The following RAD54L2 variants were observed in gnomAD, a reference collection of about 807,000 sequenced individuals.
The protein encoded by RAD54L2 is RAD54 like 2, also known as helicase ARIP4.
RAD54L2 carries 27 observed loss-of-function variants against 138.4 expected under a neutral mutation model. That is an observed-to-expected ratio of 0.20 (90% confidence interval 0.14 to 0.27). The LOEUF is 0.27. Among genes scored for constraint, RAD54L2 ranks in the 10% least tolerant of loss-of-function variants. The pLI, the probability that RAD54L2 is intolerant of heterozygous loss-of-function variation, is 1.00. For missense variants in RAD54L2, 1,396 were observed against 1,890.2 expected (o/e 0.74, Z 4.85); for synonymous variants, 644 against 723.2 (o/e 0.89, Z 1.76).
intron 3 of RAD54L2, among the ~76,000 whole-genome samples, chr3:51,603,202 A>G (rs986126885): frequency 1.3e-5 from 2 of 150,288 alleles, no homozygotes; most frequent in Non-Finnish European, 3.0e-5. Context: ...CCAGTTGCTT[A>G]GGAGGCTGAG....
intron 3 of RAD54L2, among the ~76,000 whole-genome samples, chr3:51,592,293 C>T (rs1035964512): frequency 6.6e-6 from 1 of 151,882 alleles, no homozygotes; most frequent in East Asian, 1.9e-4. Flanking sequence ...GAACTCCTAA[C>T]CTCAGGTGAT....
intron 2 of RAD54L2, among the ~76,000 whole-genome samples, chr3:51,572,470 AG>A (rs1310078798): frequency 1.6e-3 from 235 of 149,028 alleles, no homozygotes; most frequent in Non-Finnish European, 3.0e-3. Flanking sequence ...AAAAAAAAAA[AG>A]GCTGGACATG....
At chr3:51,621,135 A>G (rs550812889) in intron 3 of RAD54L2, among the ~76,000 whole-genome samples, 2 of 152,372 alleles carry the variant, frequency 1.3e-5, no homozygotes, top group African/African-American at 4.8e-5. Context: ...ATCTATTATA[A>G]TGTTATGTAA....
At chr3:51,598,133 A>ATGTG (rs1553682152) in intron 3 of RAD54L2, among the ~76,000 whole-genome samples, 1 of 144,994 alleles carries the variant, frequency 6.9e-6, no homozygotes, top group Non-Finnish European at 1.5e-5. Flanking sequence ...ATATATATAT[A>ATGTG]TGTGTGTATA....
chr3:51,592,443 A>G (rs1194456913), intron 3 of RAD54L2, among the ~76,000 whole-genome samples: 2 of 151,962 alleles, frequency 1.3e-5, no homozygotes, highest in Non-Finnish European at 2.9e-5. Context: ...ATTAGGCCCT[A>G]TGTCCTGCTG....
At chr3:51,658,014 T>A (rs1701652997) in intron 21 of RAD54L2, among the ~76,000 whole-genome samples, 1 of 131,014 alleles carries the variant, frequency 7.6e-6, no homozygotes. Flanking sequence ...AACCTCCACC[T>A]CCCAGGTTCA....
intron 2 of RAD54L2, among the ~76,000 whole-genome samples, chr3:51,578,549 A>G (rs1030290338): frequency 1.3e-5 from 2 of 152,200 alleles, no homozygotes; most frequent in African/African-American, 2.4e-5. Context: ...TTGAAGCAGG[A>G]TATTTCCTTG....
At chr3:51,540,621 T>A (rs1381259761) in intron 1 of RAD54L2, among the ~76,000 whole-genome samples, 2 of 152,210 alleles carry the variant, frequency 1.3e-5, no homozygotes, top group African/African-American at 4.8e-5. Context: ...GTAGGAAATA[T>A]AGCCTAACTG....
At chr3:51,639,763 G>T in intron 13 of RAD54L2, 93 bp downstream of exon 13, 1 of 1,540,360 alleles carries the variant, frequency 6.5e-7, no homozygotes, top group East Asian at 2.3e-5. Context: ...TGCATGGCTA[G>T]GGTCTCTGTA....
chr3:51,588,534 CAAAA>C (rs71633079), intron 2 of RAD54L2, among the ~76,000 whole-genome samples: 1 of 49,438 alleles, frequency 2.0e-5, no homozygotes, highest in Non-Finnish European at 4.3e-5. Flanking sequence ...AACTGCATCT[CAAAA>C]AAAAAAAAAA....
intron 3 of RAD54L2, among the ~76,000 whole-genome samples, chr3:51,597,165 CAAA>C (rs145812228): frequency 1.2e-4 from 6 of 49,268 alleles, no homozygotes; most frequent in African/African-American, 3.8e-4. Flanking sequence ...GACTTCATTT[CAAA>C]AAAAAAAAAA....
chr3:51,566,908 C>T (rs1699231502), intron 2 of RAD54L2, among the ~76,000 whole-genome samples: 1 of 152,160 alleles, frequency 6.6e-6, no homozygotes, highest in African/African-American at 2.4e-5. Context: ...CTGATGATTA[C>T]AGGCTCCCAT....
At chr3:51,601,696 G>T (rs1161846899) in intron 3 of RAD54L2, among the ~76,000 whole-genome samples, 1 of 149,148 alleles carries the variant, frequency 6.7e-6, no homozygotes, top group African/African-American at 2.5e-5. Flanking sequence ...TGCCCTCCTC[G>T]GCCTCCCAAA....
Position 51,630,401 on chromosome 3 carries a change from C to T in RAD54L2, c.598+13C>T. The T allele has an allele frequency of 6.2e-7, 1 of 1,602,958 alleles. No homozygotes were observed. Among genetic ancestry groups the T allele is most frequent in the East Asian group, 2.2e-5 (1 of 44,830 alleles). ...AGCAGTCGAGATGGTAAGATCAAAC[C>T]AGGTGCCTCCCTTTCTTCCGACCTG... is the stretch of plus-strand genomic sequence containing the variant. On this transcript the variant is annotated intron_variant, in intron 6 of 22. Coordinates refer to ENST00000684192, the MANE Select transcript of RAD54L2 (RefSeq NM_015106.4).
At chr3:51,556,478 C>T (rs1445470861) in intron 2 of RAD54L2, among the ~76,000 whole-genome samples, 2 of 152,038 alleles carry the variant, frequency 1.3e-5, no homozygotes, top group Non-Finnish European at 2.9e-5. Flanking sequence ...AAACTCCTGT[C>T]CTCAAGTGAT....
At chr3:51,584,239 T>C (rs1455671732) in intron 2 of RAD54L2, among the ~76,000 whole-genome samples, 3 of 152,176 alleles carry the variant, frequency 2.0e-5, no homozygotes, top group African/African-American at 4.8e-5. Flanking sequence ...TTGGAGGTAG[T>C]TGTCTCCTGT....
intron 19 of RAD54L2, among the ~76,000 whole-genome samples, chr3:51,651,265 A>G (rs1415089143): frequency 6.6e-6 from 1 of 152,230 alleles, no homozygotes; most frequent in African/African-American, 2.4e-5. Flanking sequence ...ATAGACCAAC[A>G]ACAGGCTCTG....
At chr3:51,549,394 A>T (rs1553673070) in intron 2 of RAD54L2, among the ~76,000 whole-genome samples, 1 of 152,206 alleles carries the variant, frequency 6.6e-6, no homozygotes, top group African/African-American at 2.4e-5. Context: ...ATCCAGAGCC[A>T]GGTGGACATA....
chr3:51,582,838 T>G (rs1414586855), intron 2 of RAD54L2, among the ~76,000 whole-genome samples: 1 of 150,848 alleles, frequency 6.6e-6, no homozygotes, highest in East Asian at 2.0e-4. Context: ...CAATCTCGGC[T>G]CACTGCAAGC....
Sources: gnomAD v4.1 joint callset for allele counts (sites outside exome capture counted in the v4.1 genomes callset) on GRCh38, gnomAD v4.1.1 for gene constraint, MANE v1.5 for transcripts, NCBI Gene and HGNC (gene_info 2026-07-23, HGNC 2026-07-21) for gene names.